The following AMPD3 variants were observed in gnomAD, a reference collection of about 807,000 sequenced individuals.
The protein encoded by AMPD3 is AMP deaminase 3.
A neutral mutation model predicts 82.3 loss-of-function variants in AMPD3; 57 were observed. The observed-to-expected ratio is 0.69, with a 90% CI of 0.56 to 0.86. AMPD3 has a LOEUF of 0.86. Among genes scored for constraint, AMPD3 ranks in the 40% least tolerant of loss-of-function variants. The pLI is 0.00. For synonymous variants in AMPD3, 381 were observed against 394.7 expected (o/e 0.97, Z 0.41); for missense variants, 870 against 1,003.8 (o/e 0.87, Z 1.80).
In AMPD3 at chr11:10,495,637, G is replaced by T. The variant is rs151145579; in HGVS notation, c.1334G>T (p.Arg445Leu). 2 of 1,613,960 alleles carry T rather than the reference G, an allele frequency of 1.2e-6. No homozygotes were observed. Among genetic ancestry groups the T allele is most frequent in the Non-Finnish European group, 1.7e-6 (2 of 1,180,006 alleles). Residue 445 changes from arginine (R) to leucine (L), a missense_variant, in exon 9 of 15, where the codon CGC becomes CTC. Arg to Leu is a moderately radical substitution (Grantham distance 102). Transcript: ENST00000396553. Reference protein sequence around the residue: ...YSEPRLSIYGRSPEEWPNLAY... With the variant: ...YSEPRLSIYGLSPEEWPNLAY... ...GAGCCACGGCTCTCCATCTACGGCC[G>T]CAGTCCTGAGGAGTGGCCCAACCTG... is the stretch of plus-strand genomic sequence containing the variant.
At chr11:10,461,885 C>T in intron 2 of AMPD3, 145 bp downstream of exon 2, 3 of 770,090 alleles carry the variant, frequency 3.9e-6, no homozygotes, top group Non-Finnish European at 6.6e-6. Flanking sequence ...CCACTTAACT[C>T]ACCTCTTATT....
At position 10,504,653 on chromosome 11, in the gene AMPD3, G is replaced by A. The variant is rs146206153; in HGVS notation, c.2121G>A (p.Ser707=). The A allele has an allele frequency of 6.2e-6, 10 of 1,614,012 alleles. No homozygotes were observed. In the African/African-American group the frequency reaches 9.3e-5, roughly 15 times the overall value. The part of the protein sequence containing the change: ...ARNSVLQSGL[S]HQEKQKFLGQ... ...ACAGCGTGCTGCAGAGCGGCCTCTC[G>A]CATCAGGTATGGAGTGTGACGGTGC... Residue 707 remains serine (S), a synonymous_variant, in exon 14 of 15, where the codon TCG becomes TCA. Transcript: ENST00000396553.
intron 2 of AMPD3, among the ~76,000 whole-genome samples, chr11:10,465,769 A>T (rs1041023934): frequency 3.3e-5 from 5 of 152,036 alleles, no homozygotes; most frequent in Non-Finnish European, 5.9e-5. Context: ...CCTGGGTTTC[A>T]AGCACAAAAC....
rs761730405 is a variant in AMPD3, at chr11:10,487,378, G to C, written c.939+14G>C. On this transcript the variant is annotated intron_variant, in intron 6 of 14. Coordinates refer to ENST00000396553, the MANE Select transcript of AMPD3 (RefSeq NM_001025389.2). ...AACGTGAGAAAGGTGCGTTAGGGGC[G>C]AGTGTTCACAGCTGCCTCACCCGGT... The C allele has an allele frequency of 1.9e-6, 3 of 1,613,814 alleles. No individual in the cohort carries two copies. The Admixed American group carries it at 5.0e-5, about 27-fold the overall frequency.
chr11:10,498,845 A>G (rs1849495831), intron 10 of AMPD3, among the ~76,000 whole-genome samples: 1 of 152,202 alleles, frequency 6.6e-6, no homozygotes, highest in South Asian at 2.1e-4. Context: ...GTGGCCTGGT[A>G]GCAAGCCTCC....
chr11:10,450,671 G>A, upstream of AMPD3: 2 of 1,025,436 alleles, frequency 2.0e-6, no homozygotes, highest in Non-Finnish European at 2.3e-6. Flanking sequence ...CCTGGCGGCC[G>A]CCGCGCCCCT....
intron 2 of AMPD3, among the ~76,000 whole-genome samples, chr11:10,476,183 C>T (rs950711026): frequency 1.3e-5 from 2 of 152,220 alleles, no homozygotes; most frequent in African/African-American, 2.4e-5. Context: ...TCCAGTTCTT[C>T]CAAGCTCAAG....
chr11:10,502,906 G>A lies in AMPD3; in HGVS notation c.2016+12G>A. 1 of 1,613,930 alleles carries A rather than the reference G, an allele frequency of 6.2e-7. No homozygotes were observed. The highest frequency in any genetic ancestry group is 8.5e-7 in the Non-Finnish European group (1 of 1,179,856). On this transcript the variant is annotated intron_variant, in intron 13 of 14. Transcript: ENST00000396553. ...TCCACTACACGAAGGTAAGGACTTT[G>A]GGGTGAGGACAGTAGTGCTTCAGTA...
At chr11:10,478,888 G>C (rs1397132410) in intron 3 of AMPD3, among the ~76,000 whole-genome samples, 158 bp downstream of exon 3, 1 of 152,120 alleles carries the variant, frequency 6.6e-6, no homozygotes, top group Non-Finnish European at 1.5e-5. Flanking sequence ...CCCTAGCAGA[G>C]GTTGTGGGGT....
intron 2 of AMPD3, among the ~76,000 whole-genome samples, chr11:10,465,887 C>G (rs1005741432): frequency 6.7e-6 from 1 of 148,802 alleles, no homozygotes; most frequent in African/African-American, 2.5e-5. Context: ...GAATCATTCA[C>G]TCCCCTGGAA....
chr11:10,469,483 A>C (rs1325176018), intron 2 of AMPD3, among the ~76,000 whole-genome samples: 2 of 152,226 alleles, frequency 1.3e-5, no homozygotes, highest in African/African-American at 4.8e-5. Context: ...ATAACAAGTT[A>C]TGAAATTGAG....
rs1332856206 is a variant in AMPD3, at chr11:10,500,664, G to A, written c.1721+415G>A. 9.1e-6 allele frequency: 9 copies of A among 985,324 alleles called. No individual in the cohort carries two copies. In the East Asian group the frequency reaches 3.4e-4, roughly 37 times the overall value. The allele number at this position is 985,324 out of a possible 1,614,324, so 61.0% of individuals were successfully genotyped here. Reference sequence around the variant, plus strand: ...ACTGCCACACCAACAATGTCCACACGTGCATATTTTCGTTCAGCAAATCAC... The same window carrying A: ...ACTGCCACACCAACAATGTCCACACATGCATATTTTCGTTCAGCAAATCAC... On this transcript the variant is annotated intron_variant, in intron 11 of 14. Coordinates refer to ENST00000396553, the MANE Select transcript of AMPD3 (RefSeq NM_001025389.2).
intron 1 of AMPD3, 101 bp from the exon 2 acceptor site, chr11:10,461,414 C>T (rs745794355): frequency 5.0e-6 from 8 of 1,604,608 alleles, no homozygotes; most frequent in Non-Finnish European, 6.8e-6. Context: ...ACAGCTGACC[C>T]CAAGTACCAG....
At chr11:10,494,025 C>CA (rs1437448024) in intron 7 of AMPD3, among the ~76,000 whole-genome samples, 15 of 152,316 alleles carry the variant, frequency 9.8e-5, no homozygotes, top group Non-Finnish European at 1.8e-4. Flanking sequence ...AACAGATACT[C>CA]ACATACCAAT....
At chr11:10,460,648 A>G (rs11042817) in intron 1 of AMPD3, among the ~76,000 whole-genome samples, 17,325 of 151,854 alleles carry the variant, frequency 0.11, 1,361 homozygotes, top group South Asian at 0.21. Context: ...ACCTCAGGTG[A>G]TCTGCCCGCC....
rs934171153 is a variant in AMPD3 at position 10,477,202 on chromosome 11, G to A, written c.222-1324G>A. The stretch of plus-strand genomic sequence containing the variant: ...TCAACTGATTTCTTCAGGCCTGTAG[G>A]TATCACACTAGTACCTGGAGAGGAG... On this transcript the variant is annotated intron_variant, in intron 2 of 14. Coordinates refer to ENST00000396553, the MANE Select transcript of AMPD3 (RefSeq NM_001025389.2). The A allele has an allele frequency of 4.2e-6, 3 of 706,106 alleles. No individual in the cohort carries two copies. In the African/African-American group the frequency reaches 5.8e-5, roughly 14 times the overall value. 43.7% of individuals were successfully genotyped at this position (706,106 alleles called of 1,614,324 possible).
At chr11:10,499,667 G>C (rs1250812705) in intron 10 of AMPD3, 1 of 985,310 alleles carries the variant, frequency 1.0e-6, no homozygotes, top group African/African-American at 1.7e-5. Flanking sequence ...CTTGATGAGT[G>C]ATGTGTACTA....
At position 10,505,948 on chromosome 11, in the gene AMPD3, G is replaced by A; in HGVS notation, c.*64G>A. On this transcript the variant is annotated 3_prime_UTR_variant, in exon 15 of 15. Coordinates refer to ENST00000396553, the MANE Select transcript of AMPD3 (RefSeq NM_001025389.2). ...TTTCAAGTCTGCTGTGGCTAATAGT[G>A]GTCAAGATTCCGAACTAGGACTTTC... 7 of 1,589,094 alleles carry A rather than the reference G, an allele frequency of 4.4e-6. No homozygotes were observed. The highest frequency in any genetic ancestry group is 2.2e-5 in the East Asian group (1 of 44,784).
intron 6 of AMPD3, chr11:10,490,394 C>T: frequency 1.3e-6 from 1 of 773,906 alleles, no homozygotes; most frequent in Non-Finnish European, 1.6e-6. Context: ...TTAGGGGCCA[C>T]CCCTAAAGCT....
Sources: allele counts gnomAD v4.1 joint callset (sites outside exome capture counted in the v4.1 genomes callset), GRCh38; gene constraint gnomAD v4.1.1; transcripts MANE v1.5; gene names NCBI Gene and HGNC (gene_info 2026-07-23, HGNC 2026-07-21).